The following ESR1 variants were observed in gnomAD, a reference collection of about 807,000 sequenced individuals.
ESR1 encodes estrogen receptor 1, also known as estrogen receptor.
Under a neutral mutation model 52.7 loss-of-function variants are expected in ESR1, and 12 were observed. The ratio of observed to expected loss-of-function variants is 0.23; its 90% CI spans 0.15 to 0.37. The LOEUF (loss-of-function observed/expected upper bound fraction) is 0.37. Ranked by LOEUF, ESR1 falls within the 10% of genes least tolerant of loss-of-function variation. ESR1 has a pLI of 1.00. For missense variants in ESR1, 584 were observed against 779.7 expected (o/e 0.75, Z 2.99); for synonymous variants, 305 against 316.8 (o/e 0.96, Z 0.39).
At chr6:151,728,771 C>T (rs533987593) in intron 2 of ESR1, among the ~76,000 whole-genome samples, 1 of 152,304 alleles carries the variant, frequency 6.6e-6, no homozygotes, top group Admixed American at 6.5e-5. Flanking sequence ...TGGGCAGTCC[C>T]ACTCTGCCTA....
At chr6:151,946,921 A>G (rs2035765937) in intron 4 of ESR1, among the ~76,000 whole-genome samples, 1 of 152,246 alleles carries the variant, frequency 6.6e-6, no homozygotes, top group Non-Finnish European at 1.5e-5. Flanking sequence ...TTCAAATACC[A>G]TCTGTTATTT....
intron 4 of ESR1, among the ~76,000 whole-genome samples, chr6:151,970,173 C>T (rs1291211215): frequency 6.6e-6 from 1 of 152,108 alleles, no homozygotes; most frequent in Non-Finnish European, 1.5e-5. Context: ...TGATCTTGTA[C>T]TGGCTTAGCA....
At chr6:152,023,022 G>A (rs993129964) in intron 5 of ESR1, among the ~76,000 whole-genome samples, 2 of 151,692 alleles carry the variant, frequency 1.3e-5, no homozygotes, top group Admixed American at 6.6e-5. Flanking sequence ...GGTGAATTGG[G>A]CCAAATACCA....
At chr6:151,672,887 A>G (rs1287562523) in intron 1 of ESR1, among the ~76,000 whole-genome samples, 1 of 143,932 alleles carries the variant, frequency 6.9e-6, no homozygotes, top group East Asian at 2.1e-4. Context: ...GGAGTCCAGT[A>G]GCACGATCTC....
At chr6:152,091,288 G>A (rs980358183) in intron 6 of ESR1, among the ~76,000 whole-genome samples, 1 of 152,242 alleles carries the variant, frequency 6.6e-6, no homozygotes, top group African/African-American at 2.4e-5. Flanking sequence ...GATGGCTGCT[G>A]TTGTCAACTA....
chr6:151,856,034 C>T (rs1248732095), intron 2 of ESR1, among the ~76,000 whole-genome samples: 13 of 152,088 alleles, frequency 8.5e-5, no homozygotes, highest in African/African-American at 2.4e-4. Context: ...GTAATATATT[C>T]GAACATATTT....
chr6:152,068,179 C>T (rs1402213783), intron 6 of ESR1, among the ~76,000 whole-genome samples: 1 of 152,254 alleles, frequency 6.6e-6, no homozygotes, highest in Admixed American at 6.5e-5. Context: ...CTTGCTTGCG[C>T]TCAGAACTGT....
At chr6:151,846,492 T>C (rs1785148708) in intron 2 of ESR1, among the ~76,000 whole-genome samples, 2 of 152,330 alleles carry the variant, frequency 1.3e-5, no homozygotes, top group South Asian at 4.1e-4. Context: ...CATTTAAGGA[T>C]GGTGAAGGGT....
downstream of ESR1, among the ~76,000 whole-genome samples, chr6:152,108,204 T>A (rs553678389): frequency 6.7e-6 from 1 of 150,126 alleles, no homozygotes; most frequent in South Asian, 2.1e-4. Context: ...AACCTCAAGC[T>A]AGTGAAGACA....
intron 2 of ESR1, among the ~76,000 whole-genome samples, chr6:151,795,520 A>G (rs17081685): frequency 0.13 from 20,194 of 150,944 alleles, 1,910 homozygotes; most frequent in East Asian, 0.29. Flanking sequence ...CTGGAAAGAT[A>G]GATTACTTGG....
At chr6:152,056,657 A>G (rs562360049) in intron 5 of ESR1, among the ~76,000 whole-genome samples, 2 of 152,250 alleles carry the variant, frequency 1.3e-5, no homozygotes, top group Non-Finnish European at 2.9e-5. Context: ...CCCATTACTT[A>G]AGTGCAAATG....
intron 7 of ESR1, among the ~76,000 whole-genome samples, chr6:152,097,147 T>C (rs936905395): frequency 6.7e-6 from 1 of 149,958 alleles, no homozygotes; most frequent in Non-Finnish European, 1.5e-5. Flanking sequence ...CTCTCTCTCT[T>C]TCTCTCTCTC....
intron 1 of ESR1, among the ~76,000 whole-genome samples, chr6:151,837,464 C>T (rs182834348): frequency 4.5e-4 from 69 of 152,192 alleles, no homozygotes; most frequent in African/African-American, 1.3e-3. Context: ...ATTTAGTAGT[C>T]GAACTAGATC....
At chr6:151,748,134 AT>A (rs1287504651) in intron 2 of ESR1, among the ~76,000 whole-genome samples, 1 of 152,160 alleles carries the variant, frequency 6.6e-6, no homozygotes, top group African/African-American at 2.4e-5. Flanking sequence ...TACACTTGCT[AT>A]TATCTGTTTT....
Position 152,097,767 on chromosome 6 carries a change from C to T in ESR1, c.1554-965C>T, listed in dbSNP as rs111468036. On this transcript the variant is annotated intron_variant, in intron 7 of 7. Coordinates refer to ENST00000206249, the MANE Select transcript of ESR1 (RefSeq NM_000125.4). ...CCATTTCCCCCCTTGTTTTCCTGAA[C>T]GTGAACTGAGCTCTGGGCACTGTTT... 6.5e-3 allele frequency among the ~76,000 whole-genome samples: 991 copies of T among 152,152 alleles called. 10 individuals carry two copies. Among genetic ancestry groups the T allele is most frequent in the Non-Finnish European group, 9.3e-3 (635 of 68,018 alleles).
chr6:151,720,409 C>T (rs141632102), intron 2 of ESR1, among the ~76,000 whole-genome samples: 63 of 152,322 alleles, frequency 4.1e-4, no homozygotes, highest in African/African-American at 1.4e-3. Context: ...AGAGACTTAT[C>T]TTTAAACAGA....
chr6:151,895,346 C>T lies in ESR1; in HGVS notation c.760+14575C>T, dbSNP rs527517240. On this transcript the variant is annotated intron_variant, in intron 3 of 7. Transcript: ENST00000206249. ...ATAAAATCATATCATCAGCAAACAG[C>T]GACAGTTTGAATTCCTCTTTACTAA... Among the ~76,000 whole-genome samples the T allele has an allele frequency of 3.3e-5, 5 of 152,102 alleles. No individual in the cohort carries two copies. The South Asian group carries it at 6.2e-4, about 19-fold the overall frequency.
intron 4 of ESR1, among the ~76,000 whole-genome samples, chr6:152,009,824 A>G (rs975363437): frequency 6.6e-6 from 1 of 152,164 alleles, no homozygotes; most frequent in African/African-American, 2.4e-5. Flanking sequence ...AAAACTAGAA[A>G]CAACCCAAAT....
At chr6:151,805,104 G>C (rs1400624461), upstream of ESR1, 1 of 152,162 alleles carries the variant, frequency 6.6e-6, no homozygotes, top group African/African-American at 2.4e-5. Context: ...AAGGTTTGTG[G>C]GTTTGGTTAA....
Sources: allele counts gnomAD v4.1 joint callset (sites outside exome capture counted in the v4.1 genomes callset), GRCh38; gene constraint gnomAD v4.1.1; transcripts MANE v1.5; gene names NCBI Gene and HGNC (gene_info 2026-07-23, HGNC 2026-07-21).